NRXN3: variants seen among roughly 807,000 people sequenced by gnomAD.
NRXN3 encodes the protein neurexin 3.
A neutral mutation model predicts 137.6 loss-of-function variants in NRXN3; 32 were observed. The ratio of observed to expected loss-of-function variants is 0.23; its 90% CI spans 0.18 to 0.31. The LOEUF is 0.31. Ranked by LOEUF, NRXN3 falls within the 10% of genes least tolerant of loss-of-function variation. The pLI is 1.00. For missense variants in NRXN3, 1,574 were observed against 2,062.5 expected, an observed-to-expected ratio of 0.76 and a Z score of 4.59; for synonymous variants, 798 against 784.5, an observed-to-expected ratio of 1.02 and a Z score of -0.29.
intron 3 of NRXN3, among the ~76,000 whole-genome samples, chr14:78,285,934 C>G (rs1202547913): frequency 6.6e-6 from 1 of 152,122 alleles, no homozygotes; most frequent in Non-Finnish European, 1.5e-5. Flanking sequence ...CCAGGAAGAC[C>G]CCCCTGGCTC....
chr14:78,232,495 C>G (rs188942442), intron 1 of NRXN3, among the ~76,000 whole-genome samples: 1 of 152,026 alleles, frequency 6.6e-6, no homozygotes, highest in African/African-American at 2.4e-5. Context: ...AGAAAAGACT[C>G]GTAAATTGCA....
chr14:78,709,771 A>G, intron 7 of NRXN3, 116 bp downstream of exon 7: 6 of 916,292 alleles, frequency 6.5e-6, no homozygotes, highest in Non-Finnish European at 9.8e-6. Context: ...TTCTTTTGCT[A>G]CTCTCTTTAA....
At chr14:78,856,992 C>T (rs987212888) in intron 10 of NRXN3, among the ~76,000 whole-genome samples, 2 of 152,182 alleles carry the variant, frequency 1.3e-5, no homozygotes, top group African/African-American at 4.8e-5. Flanking sequence ...CTCAGCCTCC[C>T]AAAGTGCTGG....
intron 4 of NRXN3, among the ~76,000 whole-genome samples, chr14:78,321,000 C>T (rs10143152): frequency 0.029 from 4,459 of 152,006 alleles, 247 homozygotes; most frequent in African/African-American, 0.097. Context: ...CCTGTAATCC[C>T]AGCTACTCAG....
intron 20 of NRXN3, among the ~76,000 whole-genome samples, chr14:79,837,617 G>A (rs763019959): frequency 2.0e-5 from 3 of 152,072 alleles, no homozygotes; most frequent in Non-Finnish European, 4.4e-5. Flanking sequence ...AATAGTGAAC[G>A]CCACTGCTTT....
intron 10 of NRXN3, among the ~76,000 whole-genome samples, chr14:78,820,920 T>C (rs1377850988): frequency 1.3e-5 from 2 of 152,180 alleles, no homozygotes; most frequent in South Asian, 2.1e-4. Flanking sequence ...CTGGGGCACA[T>C]TTCTTTTTTA....
At chr14:79,527,724 T>C (rs926869569) in intron 16 of NRXN3, among the ~76,000 whole-genome samples, 1 of 151,486 alleles carries the variant, frequency 6.6e-6, no homozygotes, top group African/African-American at 2.4e-5. Flanking sequence ...AATACAAAAA[T>C]TAGCTGGGCG....
Position 78,882,191 on chromosome 14 carries a change from C to A in NRXN3, c.2275+71847C>A, listed in dbSNP as rs769834479. Among the ~76,000 whole-genome samples the A allele has an allele frequency of 2.2e-4, 33 of 151,942 alleles. 1 individual carries two copies. Among genetic ancestry groups the A allele is most frequent in the African/African-American group, 7.3e-4 (30 of 41,214 alleles). On this transcript the variant is annotated intron_variant, in intron 10 of 20. Transcript: ENST00000335750. ...TCCAGGCAGAAGTCTGCTGCAGGGG[C>A]AGAGCCCTCATGGAGAAGCTCTACT...
chr14:79,744,124 C>T (rs2098971582), intron 19 of NRXN3, among the ~76,000 whole-genome samples: 1 of 152,136 alleles, frequency 6.6e-6, no homozygotes, highest in Non-Finnish European at 1.5e-5. Context: ...TTTACTACCA[C>T]CTGTTTTTAA....
At chr14:79,539,245 G>T (rs2097248805) in intron 16 of NRXN3, among the ~76,000 whole-genome samples, 2 of 152,080 alleles carry the variant, frequency 1.3e-5, no homozygotes, top group Non-Finnish European at 2.9e-5. Context: ...CGTTGGCCAG[G>T]TTGGTCTTGA....
chr14:78,650,565 A>G (rs1281719265), intron 5 of NRXN3, among the ~76,000 whole-genome samples: 1 of 152,002 alleles, frequency 6.6e-6, no homozygotes, highest in Non-Finnish European at 1.5e-5. Flanking sequence ...GGGGCAGTCC[A>G]TGGCATGTAT....
intron 16 of NRXN3, among the ~76,000 whole-genome samples, chr14:79,622,017 G>A (rs2098229565): frequency 6.6e-6 from 1 of 152,202 alleles, no homozygotes; most frequent in Non-Finnish European, 1.5e-5. Flanking sequence ...TAGAGGCACT[G>A]TATGCAGATT....
rs796596702 is a variant in NRXN3, at chr14:79,349,430, A to G, written c.3263-117791A>G. Among the ~76,000 whole-genome samples the G allele has an allele frequency of 4.6e-5, 7 of 152,164 alleles. No individual in the cohort carries two copies. In the South Asian group the frequency reaches 1.5e-3, roughly 32 times the overall value. The stretch of plus-strand genomic sequence containing the variant: ...ACTAGACATTAAGGAGAAAAAAAGA[A>G]GAGAAAGAAAAGTAAAAAGAAAGGA... On this transcript the variant is annotated intron_variant, in intron 15 of 20. Transcript: ENST00000335750.
At chr14:79,398,400 G>A (rs1175257905) in intron 15 of NRXN3, among the ~76,000 whole-genome samples, 1 of 152,064 alleles carries the variant, frequency 6.6e-6, no homozygotes, top group African/African-American at 2.4e-5. Context: ...TTTCAAAAAT[G>A]AAACCATTTG....
chr14:79,087,993 G>A (rs758921947), intron 15 of NRXN3, among the ~76,000 whole-genome samples: 41 of 140,056 alleles, frequency 2.9e-4, no homozygotes, highest in South Asian at 1.0e-3. Flanking sequence ...TTGGAGCAAC[G>A]TCAGAATGAT....
chr14:78,872,466 A>G (rs1251049448), intron 10 of NRXN3, among the ~76,000 whole-genome samples: 1 of 150,734 alleles, frequency 6.6e-6, no homozygotes, highest in Non-Finnish European at 1.5e-5. Flanking sequence ...TTTTTATTCC[A>G]TTTTCTTTCT....
At chr14:78,798,785 C>T (rs546479850) in intron 8 of NRXN3, among the ~76,000 whole-genome samples, 4 of 152,222 alleles carry the variant, frequency 2.6e-5, no homozygotes, top group Admixed American at 1.3e-4. Flanking sequence ...TTCCGTGTAC[C>T]CACATGCTCA....
intron 4 of NRXN3, among the ~76,000 whole-genome samples, chr14:78,404,930 A>T (rs1296024065): frequency 6.6e-6 from 1 of 152,168 alleles, no homozygotes; most frequent in Non-Finnish European, 1.5e-5. Flanking sequence ...TCGTCTGTCT[A>T]CTTTCATCTC....
intron 20 of NRXN3, among the ~76,000 whole-genome samples, chr14:79,849,785 T>TAG (rs1435180124): frequency 6.6e-6 from 1 of 152,186 alleles, no homozygotes; most frequent in African/African-American, 2.4e-5. Flanking sequence ...TACCATCTTG[T>TAG]AGAGGTATCT....
Sources: allele counts gnomAD v4.1 joint callset (sites outside exome capture counted in the v4.1 genomes callset), GRCh38; gene constraint gnomAD v4.1.1; transcripts MANE v1.5; gene names NCBI Gene and HGNC (gene_info 2026-07-23, HGNC 2026-07-21).